TTN: variants seen among roughly 807,000 people sequenced by gnomAD.
The protein encoded by TTN is connectin.
A neutral mutation model predicts 3,223.0 loss-of-function variants in TTN; 1,525 were observed. That is an observed-to-expected ratio of 0.47 (90% confidence interval 0.45 to 0.49). The LOEUF (loss-of-function observed/expected upper bound fraction) is 0.49. TTN is among the 20% of genes least tolerant of loss of function. The pLI, the probability that TTN is intolerant of heterozygous loss-of-function variation, is 0.00. For synonymous variants in TTN, 14,094 were observed against 15,161.0 expected (o/e 0.93, Z 5.17); for missense variants, 40,786 against 43,424.0 (o/e 0.94, Z 5.40).
rs869312101 is a variant in TTN at position 178,533,984 on chromosome 2, CT to C, written c.102630del (p.Val34211Ter). On this transcript the variant is annotated frameshift_variant, in exon 358 of 363. Transcript: ENST00000589042. LOFTEE classifies it high-confidence loss of function. Reference sequence around the variant, plus strand: ...CTGTCTTCACCATAGTCATTGACTACTTTGCATCTGTAGGTACCATCATCTA... The same window carrying C: ...CTGTCTTCACCATAGTCATTGACTACTTGCATCTGTAGGTACCATCATCTA... ...TKLDDGTYRC[K>X]VVNDYGEDSS... 6.2e-7 allele frequency: 1 copy of C among 1,613,830 alleles called. No homozygotes were observed. The highest frequency in any genetic ancestry group is 1.3e-5 in the African/African-American group (1 of 74,930).
intron 47 of TTN, chr2:178,745,769 G>A (rs747266949): frequency 2.9e-5 from 46 of 1,612,822 alleles, no homozygotes; most frequent in Middle Eastern, 1.6e-4. Context: ...CCAGTAAACC[G>A]TGGGTCTTGG....
chr2:178,587,356 C>T lies in TTN; in HGVS notation c.63855G>A (p.Val21285=). 6.2e-7 allele frequency: 1 copy of T among 1,612,396 alleles called. No homozygotes were observed. Among genetic ancestry groups the T allele is most frequent in the South Asian group, 1.1e-5 (1 of 90,992 alleles). The change falls in exon 307 of 363, where the codon GTG becomes GTA. Residue 21285 remains valine (V), a synonymous_variant. Coordinates refer to ENST00000589042, the MANE Select transcript of TTN (RefSeq NM_001267550.2). ...CGTCGTTTTCAGGAGGGGCCCAGGA[C>T]ACATGGCATGATGTTTTAGTGACAT... ...VSDVTKTSCH[V]SWAPPENDGG... is the part of the protein sequence containing the mutation.
In TTN at chr2:178,724,502, G is replaced by A. The variant is rs371824963; in HGVS notation, c.20873C>T (p.Thr6958Met). Reference protein sequence around the residue: ...AVIVEKAGPMTVTVGETCTLE... With the variant: ...AVIVEKAGPMMVTVGETCTLE... ...AGTGCACGTTTCTCCTACAGTCACC[G>A]TCATCGGTCCTGCCTTCTCAACAAT... is the stretch of plus-strand genomic sequence containing the variant. Residue 6958 changes from threonine (T) to methionine (M), a missense_variant, in exon 72 of 363, where the codon ACG becomes ATG. Thr to Met is a moderately conservative substitution (Grantham distance 81). Coordinates refer to ENST00000589042, the MANE Select transcript of TTN (RefSeq NM_001267550.2). 1.1e-5 allele frequency: 17 copies of A among 1,606,710 alleles called. No individual in the cohort carries two copies. The highest frequency in any genetic ancestry group is 1.7e-4 in the Middle Eastern group (1 of 6,044).
In TTN at chr2:178,774,491, A is replaced by C; in HGVS notation, c.6791-18T>G. On this transcript the variant is annotated intron_variant, in intron 29 of 362. Coordinates refer to ENST00000589042, the MANE Select transcript of TTN (RefSeq NM_001267550.2). ...AACTGCACCTGAAGTGTATAACAGA[A>C]AGATAAATCAATTTTTTTGGAGAGG... 6.2e-7 allele frequency: 1 copy of C among 1,609,102 alleles called. No individual in the cohort carries two copies. Among genetic ancestry groups the C allele is most frequent in the Non-Finnish European group, 8.5e-7 (1 of 1,179,536 alleles).
rs1362300563 is a variant in TTN at position 178,576,821 on chromosome 2, G to T, written c.69423C>A (p.Gly23141=). 6 of 1,608,114 alleles carry T rather than the reference G, an allele frequency of 3.7e-6. No homozygotes were observed. The highest frequency in any genetic ancestry group is 5.1e-6 in the Non-Finnish European group (6 of 1,178,432). ...TTGATACCTCTGGTTTTTCAGGAGG[G>T]CCAGGGGGACCTGAAAAGGAAGCAA... ...VKMVDRFGPP[G]PPEKPEVSNV... The change falls in exon 325 of 363, where the codon GGC becomes GGA. Residue 23141 remains glycine (G), a synonymous_variant. Coordinates refer to ENST00000589042, the MANE Select transcript of TTN (RefSeq NM_001267550.2). The surrounding 1 kb of genome is among the most constrained non-coding windows in gnomAD (Gnocchi z 4.3).
intron 43 of TTN, 151 bp from the exon 44 acceptor site, chr2:178,759,323 A>G (rs2088306326): frequency 1.3e-6 from 1 of 747,042 alleles, no homozygotes; most frequent in Non-Finnish European, 2.2e-6. Flanking sequence ...CATATCTACT[A>G]TTGTTAAATG....
At chr2:178,747,150 ATCTC>A in intron 47 of TTN, 1 of 1,608,360 alleles carries the variant, frequency 6.2e-7, no homozygotes, top group Non-Finnish European at 8.5e-7. Flanking sequence ...GGTGTGGAAT[ATCTC>A]TCTAGAGTCT....
chr2:178,634,552 G>C lies in TTN; in HGVS notation c.42229C>G (p.Leu14077Val). Reference protein sequence around the residue: ...ERRQARFECVLTREANVIWSK... With the variant: ...ERRQARFECVVTREANVIWSK... ...CATATAACATTTGCCTCTCGGGTGA[G>C]GACACATTCGAATCGAGCCTGTCGC... Residue 14077 changes from leucine (L) to valine (V), a missense_variant, in exon 230 of 363, where the codon CTC becomes GTC. By Grantham distance (32) the Leu-to-Val change is conservative. Transcript: ENST00000589042. The surrounding 1 kb of genome is among the most constrained non-coding windows in gnomAD (Gnocchi z 4.6). 1 of 1,613,278 alleles carries C rather than the reference G, an allele frequency of 6.2e-7. No homozygotes were observed. Among genetic ancestry groups the C allele is most frequent in the African/African-American group, 1.3e-5 (1 of 74,936 alleles).
In TTN at chr2:178,683,219, G is replaced by A. The variant is rs879029800; in HGVS notation, c.32879C>T (p.Pro10960Leu). ...SIEAPKREPQ[P>L]IKEVTIMEEK... ...ATCAAAGTTCAATATACCTTTGATG[G>A]GTTGAGGTTCTCTTTTTGGAGCTTC... The change falls in exon 134 of 363, where the codon CCC becomes CTC. Residue 10960 changes from proline to leucine, a missense_variant. Transcript: ENST00000589042. The A allele has an allele frequency of 2.6e-6, 4 of 1,548,976 alleles. No homozygotes were observed. The South Asian group carries it at 3.6e-5, about 14-fold the overall frequency.
rs1364199300 is a variant in TTN, at chr2:178,571,197, A to T, written c.74935T>A (p.Tyr24979Asn). 6.2e-7 allele frequency: 1 copy of T among 1,613,546 alleles called. No homozygotes were observed. The highest frequency in any genetic ancestry group is 1.1e-5 in the South Asian group (1 of 91,066). The change falls in exon 326 of 363, where the codon TAT (tyrosine) becomes AAT (asparagine). Residue 24979 changes from tyrosine (Y) to asparagine (N), a missense_variant. Physicochemically the swap from Tyr to Asn is moderately radical, Grantham distance 143. Coordinates refer to ENST00000589042, the MANE Select transcript of TTN (RefSeq NM_001267550.2). ...KTTGLEEGVEYEFRVSAENIV... is the reference protein window; with the variant it reads ...KTTGLEEGVENEFRVSAENIV... Reference sequence around the variant, plus strand: ...TTCTCTGCAGAGACTCTAAATTCATATTCAACACCTTCTTCAAGGCCAGTT... The same window carrying T: ...TTCTCTGCAGAGACTCTAAATTCATTTTCAACACCTTCTTCAAGGCCAGTT...
At chr2:178,774,724 A>G in intron 29 of TTN, 197 bp downstream of exon 29, 1 of 743,414 alleles carries the variant, frequency 1.3e-6, no homozygotes, top group East Asian at 2.7e-5. Context: ...TCAAGATAAT[A>G]CTACTTTAAA....
At chr2:178,711,416 A>G (rs1365632398) in intron 96 of TTN, 67 bp from the exon 97 acceptor site, 6 of 1,439,532 alleles carry the variant, frequency 4.2e-6, no homozygotes, top group Non-Finnish European at 5.6e-6. Context: ...AATTATATAT[A>G]TACAAACGCA....
In TTN at chr2:178,609,115, A is replaced by G. The variant is rs190472743; in HGVS notation, c.52102+93T>C. On this transcript the variant is annotated intron_variant, in intron 273 of 362. Coordinates refer to ENST00000589042, the MANE Select transcript of TTN (RefSeq NM_001267550.2). ...TGATTGAGGATAACTTGCTGAAGCT[A>G]TGTCCCATTTCTTTTAACTCTCTCC... is the stretch of plus-strand genomic sequence containing the variant. 64 of 1,367,022 alleles carry G rather than the reference A, an allele frequency of 4.7e-5. 1 individual carries two copies. In the African/African-American group the frequency reaches 6.0e-4, roughly 13 times the overall value. The allele number at this position is 1,367,022 out of a possible 1,614,324, so 84.7% of individuals were successfully genotyped here. A position where few individuals can be genotyped will look rare whatever the true frequency, so the allele number is the denominator to read the frequency against.
At chr2:178,606,232 G>A (rs527552793) in intron 278 of TTN, among the ~76,000 whole-genome samples, 14 of 152,084 alleles carry the variant, frequency 9.2e-5, no homozygotes, top group Non-Finnish European at 1.3e-4. Flanking sequence ...AGCTTTCAGT[G>A]GTAAAACTAG....
chr2:178,592,314 T>C (rs1368617210), intron 301 of TTN, 37 bp from the exon 302 acceptor site: 8 of 1,601,544 alleles, frequency 5.0e-6, no homozygotes, highest in South Asian at 3.4e-5. Context: ...TAAGTAATTT[T>C]ATCCATATAA....
At position 178,578,864 on chromosome 2, in the gene TTN, A is replaced by G. The variant is rs777205371; in HGVS notation, c.68166T>C (p.Asn22722=). The change falls in exon 320 of 363, where the codon AAT becomes AAC. Residue 22722 remains asparagine (N), a synonymous_variant. Transcript: ENST00000589042. ...TCAGGCCTTCCCCTACACCATATTT[A>G]TTTTCGGCACTGACCCTGAAGGTAT... ...MEYTFRVSAE[N]KYGVGEGLKS... 6.2e-7 allele frequency: 1 copy of G among 1,613,108 alleles called. No individual in the cohort carries two copies. Among genetic ancestry groups the G allele is most frequent in the South Asian group, 1.1e-5 (1 of 91,006 alleles).
At chr2:178,623,230 A>G (rs1484210459) in intron 242 of TTN, among the ~76,000 whole-genome samples, 5 of 151,976 alleles carry the variant, frequency 3.3e-5, no homozygotes, top group Non-Finnish European at 7.4e-5. Flanking sequence ...AGCCTTGTGT[A>G]TGGCTAAGAG....
At chr2:178,696,902 G>C (rs2073836870) in intron 113 of TTN, among the ~76,000 whole-genome samples, 1 of 151,956 alleles carries the variant, frequency 6.6e-6, no homozygotes, top group Non-Finnish European at 1.5e-5. Flanking sequence ...TTCTTTCTCT[G>C]AGACCATTGC....
chr2:178,609,303 A>G lies in TTN; in HGVS notation c.52007T>C (p.Val17336Ala), dbSNP rs1315720730. 1 of 1,603,510 alleles carries G rather than the reference A, an allele frequency of 6.2e-7. No homozygotes were observed. Among genetic ancestry groups the G allele is most frequent in the South Asian group, 1.1e-5 (1 of 89,300 alleles). ...NSKKGESQLRVRDSLRPDHGL... is the reference protein window; with the variant it reads ...NSKKGESQLRARDSLRPDHGL... ...ATGGTCAGGTCGGAGAGAATCTCGG[A>G]CGCGTAGCTGAGATTCTCCCTTTTT... Residue 17336 changes from valine to alanine, a missense_variant, in exon 273 of 363, where the codon GTC becomes GCC. Transcript: ENST00000589042.
Sources: allele counts gnomAD v4.1 joint callset (sites outside exome capture counted in the v4.1 genomes callset), GRCh38; gene constraint gnomAD v4.1.1; non-coding constraint Gnocchi (gnomAD v3.1); transcripts MANE v1.5; gene names NCBI Gene and HGNC (gene_info 2026-07-23, HGNC 2026-07-21).